The following TAOK3 variants were observed in gnomAD, a reference collection of about 807,000 sequenced individuals.
TAOK3 encodes serine/threonine-protein kinase TAO3.
A neutral mutation model predicts 120.4 loss-of-function variants in TAOK3; 40 were observed. The observed-to-expected ratio is 0.33, with a 90% confidence interval of 0.26 to 0.43. The LOEUF is 0.43. TAOK3 is among the 20% of genes least tolerant of loss of function. The probability of loss-of-function intolerance (pLI) is 1.00; values close to 1 mark genes in which losing one functional copy is unlikely to be tolerated. For missense variants in TAOK3, 821 were observed against 1,112.1 expected, an observed-to-expected ratio of 0.74 and a Z score of 3.72; for synonymous variants, 355 against 387.5, an observed-to-expected ratio of 0.92 and a Z score of 0.99.
chr12:118,168,738 T>C (rs2035771297), intron 17 of TAOK3, among the ~76,000 whole-genome samples: 1 of 152,232 alleles, frequency 6.6e-6, no homozygotes, highest in African/African-American at 2.4e-5. Context: ...ATATAGTTTC[T>C]ATCATTTTTA....
At chr12:118,269,660 G>A (rs1289879386) in intron 1 of TAOK3, among the ~76,000 whole-genome samples, 1 of 152,038 alleles carries the variant, frequency 6.6e-6, no homozygotes, top group Non-Finnish European at 1.5e-5. Flanking sequence ...GTGAGCCACT[G>A]CGCCCAGCCC....
At position 118,307,333 on chromosome 12, in the gene TAOK3, C is replaced by T. The variant is rs188526907; in HGVS notation, c.-193-40574G>A. Among the ~76,000 whole-genome samples, 142 of 152,124 alleles carry T rather than the reference C, an allele frequency of 9.3e-4. No homozygotes were observed. In the Middle Eastern group the frequency reaches 0.014, roughly 15 times the overall value. ...GTCTAACTCTGACCTTAGGCTCCCA[C>T]GGGAATTCAATTATTTTTGTTGGCC... is the stretch of plus-strand genomic sequence containing the variant. On this transcript the variant is annotated intron_variant, in intron 1 of 20. Transcript: ENST00000392533.
intron 1 of TAOK3, among the ~76,000 whole-genome samples, chr12:118,348,341 T>G (rs1171386743): frequency 2.6e-5 from 4 of 152,246 alleles, no homozygotes; most frequent in African/African-American, 7.2e-5. Context: ...CCATAGTGCC[T>G]TCAATGGAGG....
At chr12:118,324,133 C>A (rs1316693239) in intron 1 of TAOK3, among the ~76,000 whole-genome samples, 2 of 152,036 alleles carry the variant, frequency 1.3e-5, no homozygotes, top group Admixed American at 6.6e-5. Context: ...AATTTCTCAT[C>A]TTTCATCAAA....
rs188425557 is a variant in TAOK3 at position 118,170,875 on chromosome 12, T to G, written c.1899+1582A>C. Among the ~76,000 whole-genome samples, 6 of 152,254 alleles carry G rather than the reference T, an allele frequency of 3.9e-5. No individual in the cohort carries two copies. The East Asian group carries it at 1.2e-3, about 29-fold the overall frequency. On this transcript the variant is annotated intron_variant, in intron 17 of 20. Coordinates refer to ENST00000392533, the MANE Select transcript of TAOK3 (RefSeq NM_016281.4). ...AATACATTTTAGTTTGCTTCACCCT[T>G]TTTCCTTCTCATTTCAATGCAGCTC...
chr12:118,259,919 C>T (rs575215550), intron 2 of TAOK3, among the ~76,000 whole-genome samples: 1 of 152,208 alleles, frequency 6.6e-6, no homozygotes, highest in African/African-American at 2.4e-5. Flanking sequence ...AGAAAACTAC[C>T]TTAGACCAGG....
chr12:118,173,752 A>C (rs188731439), intron 16 of TAOK3, among the ~76,000 whole-genome samples: 49 of 152,352 alleles, frequency 3.2e-4, no homozygotes, highest in African/African-American at 1.1e-3. Flanking sequence ...AACTGTGGTG[A>C]AAAGAAGAAG....
intron 11 of TAOK3, among the ~76,000 whole-genome samples, chr12:118,201,856 G>C (rs1718757880): frequency 6.6e-6 from 1 of 151,924 alleles, no homozygotes; most frequent in African/African-American, 2.4e-5. Context: ...AAATTTCCCA[G>C]ATATAATACA....
intron 1 of TAOK3, among the ~76,000 whole-genome samples, chr12:118,288,848 G>C (rs1039537425): frequency 6.7e-6 from 1 of 149,048 alleles, no homozygotes; most frequent in Non-Finnish European, 1.5e-5. Context: ...CCCAGGAAGT[G>C]GAGGTTGCAG....
chr12:118,301,959 T>C (rs1292147676), intron 1 of TAOK3, among the ~76,000 whole-genome samples: 1 of 152,158 alleles, frequency 6.6e-6, no homozygotes, highest in Non-Finnish European at 1.5e-5. Flanking sequence ...AGGCTATTCC[T>C]CTTTAACTTT....
At chr12:118,151,299 A>C in intron 20 of TAOK3, 141 bp from the exon 21 acceptor site, 1 of 499,202 alleles carries the variant, frequency 2.0e-6, no homozygotes, top group Non-Finnish European at 3.5e-6. Flanking sequence ...GCACACACAC[A>C]CACACACACA....
At chr12:118,310,830 T>C (rs1226339448) in intron 1 of TAOK3, among the ~76,000 whole-genome samples, 2 of 152,156 alleles carry the variant, frequency 1.3e-5, no homozygotes, top group Non-Finnish European at 2.9e-5. Context: ...GTGTAAACCG[T>C]GTAGTGTAGA....
intron 16 of TAOK3, among the ~76,000 whole-genome samples, chr12:118,175,990 A>G (rs1391003151): frequency 6.6e-6 from 1 of 152,252 alleles, no homozygotes; most frequent in Non-Finnish European, 1.5e-5. Flanking sequence ...CTGTGCTCTT[A>G]TGATGCTTAC....
At chr12:118,274,569 G>A (rs1170799055) in intron 1 of TAOK3, among the ~76,000 whole-genome samples, 1 of 152,106 alleles carries the variant, frequency 6.6e-6, no homozygotes, top group African/African-American at 2.4e-5. Flanking sequence ...AATAAAAAGA[G>A]GTTTAAGATA....
chr12:118,285,096 C>T (rs1038921421), intron 1 of TAOK3, among the ~76,000 whole-genome samples: 3 of 151,182 alleles, frequency 2.0e-5, no homozygotes, highest in Admixed American at 1.3e-4. Context: ...ATAAAATGAA[C>T]AAACTAACCT....
rs1259181510 is a variant in TAOK3 at position 118,168,990 on chromosome 12, TTCCTTCCTTCC to T, written c.1899+3456_1899+3466del. On this transcript the variant is annotated intron_variant, in intron 17 of 20. Coordinates refer to ENST00000392533, the MANE Select transcript of TAOK3 (RefSeq NM_016281.4). ...CTTCCTTCCTTCCTTCCTTCCTTCCTTCCTTCCTTCCTTTCTTTCTTTCTTTCTTTCTATTT... is the reference window on the plus strand; with the variant it reads ...CTTCCTTCCTTCCTTCCTTCCTTCCTTTTCTTTCTTTCTTTCTTTCTATTT... 1.0e-4 allele frequency among the ~76,000 whole-genome samples: 13 copies of T among 128,498 alleles called. 1 individual carries two copies. In the East Asian group the frequency reaches 1.1e-3, roughly 11 times the overall value. 84.3% of individuals were successfully genotyped at this position (128,498 alleles called of 152,430 possible).
intron 3 of TAOK3, among the ~76,000 whole-genome samples, chr12:118,249,604 C>T: frequency 6.6e-6 from 1 of 150,658 alleles, no homozygotes; most frequent in South Asian, 2.1e-4. Flanking sequence ...AGGAGGATCA[C>T]TTGAGCCCAG....
intron 3 of TAOK3, among the ~76,000 whole-genome samples, chr12:118,252,177 T>C (rs944819355): frequency 8.5e-5 from 13 of 152,134 alleles, no homozygotes; most frequent in African/African-American, 3.1e-4. Context: ...CAGGAGAGAT[T>C]CTGAGAAGAT....
chr12:118,193,500 C>G (rs1253423350), intron 13 of TAOK3, among the ~76,000 whole-genome samples: 1 of 152,146 alleles, frequency 6.6e-6, no homozygotes, highest in Non-Finnish European at 1.5e-5. Flanking sequence ...ACTATTATAC[C>G]TTAGACAAGG....
Sources: gnomAD v4.1 joint callset for allele counts (sites outside exome capture counted in the v4.1 genomes callset) on GRCh38, gnomAD v4.1.1 for gene constraint, MANE v1.5 for transcripts, NCBI Gene and HGNC (gene_info 2026-07-23, HGNC 2026-07-21) for gene names.